Variants in DIS3L2 observed in about 807,000 individuals in gnomAD.
DIS3L2 encodes DIS3 like 3'-5' exoribonuclease 2.
A neutral mutation model predicts 97.5 loss-of-function variants in DIS3L2; 34 were observed. The ratio of observed to expected loss-of-function variants is 0.35; its 90% CI spans 0.27 to 0.46. The LOEUF is 0.46. Among genes scored for constraint, DIS3L2 ranks in the 20% least tolerant of loss-of-function variants. The probability of loss-of-function intolerance (pLI) is 1.00; values close to 1 mark genes in which losing one functional copy is unlikely to be tolerated. For missense variants in DIS3L2, 1,038 were observed against 1,146.0 expected, an observed-to-expected ratio of 0.91 and a Z score of 1.36; for synonymous variants, 435 against 445.2, an observed-to-expected ratio of 0.98 and a Z score of 0.29.
chr2:232,040,541 C>T (rs189100319), intron 5 of DIS3L2, among the ~76,000 whole-genome samples: 19 of 152,254 alleles, frequency 1.2e-4, no homozygotes, highest in Admixed American at 1.1e-3. Flanking sequence ...ATAGCCCATA[C>T]TTGTCTTTCA....
At chr2:231,965,404 A>G (rs955505048) in intron 1 of DIS3L2, among the ~76,000 whole-genome samples, 4 of 151,672 alleles carry the variant, frequency 2.6e-5, no homozygotes, top group African/African-American at 9.7e-5. Flanking sequence ...ATTTGCCTTG[A>G]GACATTGAAG....
At chr2:232,123,612 A>C (rs768035847) in intron 6 of DIS3L2, among the ~76,000 whole-genome samples, 1 of 152,152 alleles carries the variant, frequency 6.6e-6, no homozygotes, top group Admixed American at 6.5e-5. Flanking sequence ...ATGGTGGGCT[A>C]TTAGATTCAC....
intron 3 of DIS3L2, among the ~76,000 whole-genome samples, chr2:232,022,742 C>T (rs566622119): frequency 1.1e-4 from 17 of 152,264 alleles, no homozygotes; most frequent in African/African-American, 3.9e-4. Context: ...TCCCTTGTAC[C>T]CCGTCATTTG....
chr2:232,050,546 G>A (rs1414489648), intron 5 of DIS3L2, among the ~76,000 whole-genome samples: 1 of 152,090 alleles, frequency 6.6e-6, no homozygotes, highest in Non-Finnish European at 1.5e-5. Context: ...AAAGTGTTGG[G>A]ATTACAGGCG....
At chr2:232,301,315 C>T (rs1694850274) in intron 14 of DIS3L2, among the ~76,000 whole-genome samples, 1 of 152,080 alleles carries the variant, frequency 6.6e-6, no homozygotes, top group African/African-American at 2.4e-5. Flanking sequence ...ACTTAGAAAC[C>T]CCAGTCAATG....
chr2:232,330,359 G>A (rs1695699695), intron 15 of DIS3L2, among the ~76,000 whole-genome samples: 1 of 152,186 alleles, frequency 6.6e-6, no homozygotes, highest in Admixed American at 6.5e-5. Context: ...TCCCTGCCTG[G>A]GGCAAAGCTA....
At chr2:232,194,467 TTAAG>T (rs2106199668) in intron 9 of DIS3L2, among the ~76,000 whole-genome samples, 1 of 152,234 alleles carries the variant, frequency 6.6e-6, no homozygotes, top group African/African-American at 2.4e-5. Context: ...CTAAGTCACA[TTAAG>T]TAAGAATGGA....
chr2:232,097,114 A>T (rs1005149412), intron 6 of DIS3L2, among the ~76,000 whole-genome samples: 1 of 152,166 alleles, frequency 6.6e-6, no homozygotes, highest in African/African-American at 2.4e-5. Context: ...TCTAAGCCGT[A>T]TGTGCATTAG....
At chr2:232,329,785 T>TCCCCGGGGGGGGGGC in intron 14 of DIS3L2, 28 bp from the exon 15 acceptor site, 14 of 967,136 alleles carry the variant, frequency 1.4e-5, no homozygotes, top group Non-Finnish European at 2.0e-5. Context: ...ACCCCAGCGG[T>TCCCCGGGGGGGGGGC]CCCTCCCATC....
intron 4 of DIS3L2, among the ~76,000 whole-genome samples, chr2:232,028,247 T>C (rs1221041635): frequency 1.3e-5 from 2 of 152,154 alleles, no homozygotes; most frequent in African/African-American, 2.4e-5. Context: ...TTTTCTATTA[T>C]CTATTCTTTC....
chr2:232,135,873 G>C (rs549318516), intron 7 of DIS3L2, among the ~76,000 whole-genome samples: 11 of 152,068 alleles, frequency 7.2e-5, no homozygotes, highest in South Asian at 2.1e-4. Flanking sequence ...TGTTGAGGAG[G>C]GGGTGGTGAG....
intron 14 of DIS3L2, among the ~76,000 whole-genome samples, chr2:232,317,008 C>A (rs1368859328): frequency 1.3e-5 from 2 of 152,180 alleles, no homozygotes; most frequent in Non-Finnish European, 2.9e-5. Flanking sequence ...GAGCTTAACT[C>A]TCACATCCTT....
chr2:232,158,682 A>G (rs1690568234), intron 8 of DIS3L2, among the ~76,000 whole-genome samples: 1 of 152,072 alleles, frequency 6.6e-6, no homozygotes, highest in Non-Finnish European at 1.5e-5. Flanking sequence ...TCTTTTCCAA[A>G]CAGCACTGGT....
chr2:231,981,104 T>C (rs1574783203), intron 1 of DIS3L2, among the ~76,000 whole-genome samples: 1 of 152,062 alleles, frequency 6.6e-6, no homozygotes, highest in Admixed American at 6.5e-5. Context: ...CCACCATGCC[T>C]GGCTAATTTT....
intron 5 of DIS3L2, among the ~76,000 whole-genome samples, chr2:232,077,876 A>G (rs780596116): frequency 2.6e-5 from 4 of 151,958 alleles, no homozygotes; most frequent in Non-Finnish European, 5.9e-5. Flanking sequence ...GCCAGCCTGA[A>G]CTGGTATCCT....
At chr2:231,980,644 G>A (rs2106177552) in intron 1 of DIS3L2, among the ~76,000 whole-genome samples, 1 of 152,198 alleles carries the variant, frequency 6.6e-6, no homozygotes, top group Middle Eastern at 3.4e-3. Context: ...GTTGCAGTAA[G>A]CCGAAATTGT....
At chr2:232,200,786 T>G (rs926551252) in intron 9 of DIS3L2, among the ~76,000 whole-genome samples, 1 of 146,068 alleles carries the variant, frequency 6.8e-6, no homozygotes, top group Non-Finnish European at 1.5e-5. Context: ...AAAGGTTTTT[T>G]TTTTTTTTTT....
At chr2:232,204,651 C>G (rs1310342531) in intron 9 of DIS3L2, among the ~76,000 whole-genome samples, 1 of 152,138 alleles carries the variant, frequency 6.6e-6, no homozygotes, top group Non-Finnish European at 1.5e-5. Context: ...CTCACAGGTT[C>G]TAAAAGCTGG....
chr2:232,317,942 A>C (rs928560164), intron 14 of DIS3L2, among the ~76,000 whole-genome samples: 4 of 152,258 alleles, frequency 2.6e-5, no homozygotes, highest in African/African-American at 9.6e-5. Context: ...AGGTAGAAGA[A>C]GTTAGAGAGG....
Sources: gnomAD v4.1 joint callset for allele counts (sites outside exome capture counted in the v4.1 genomes callset) on GRCh38, gnomAD v4.1.1 for gene constraint, MANE v1.5 for transcripts, NCBI Gene and HGNC (gene_info 2026-07-23, HGNC 2026-07-21) for gene names.